MPP2: variants seen among roughly 807,000 people sequenced by gnomAD.
The protein encoded by MPP2 is MAGUK p55 scaffold protein 2, also known as MAGUK p55 subfamily member 2.
A neutral mutation model predicts 58.5 loss-of-function variants in MPP2; 42 were observed. The observed-to-expected ratio is 0.72, with a 90% confidence interval of 0.56 to 0.93. MPP2 has a LOEUF of 0.93. Ranked by LOEUF, MPP2 falls within the 40% of genes least tolerant of loss-of-function variation. The pLI is 0.00. For missense variants in MPP2, 632 were observed against 760.4 expected, an observed-to-expected ratio of 0.83 and a Z score of 1.99; for synonymous variants, 300 against 307.8, an observed-to-expected ratio of 0.97 and a Z score of 0.26.
rs1192823279 is a variant in MPP2, at chr17:43,876,571, C to T, written c.*1236G>A. 6.6e-6 allele frequency: 1 copy of T among 152,280 alleles called. No homozygotes were observed. Among genetic ancestry groups the T allele is most frequent in the Admixed American group, 6.5e-5 (1 of 15,278 alleles). The allele number at this position is 152,280 out of a possible 1,614,324, so 9.4% of individuals were successfully genotyped here. On this transcript the variant is annotated 3_prime_UTR_variant, in exon 13 of 13. Transcript: ENST00000269095. The stretch of plus-strand genomic sequence containing the variant: ...AAGAAATGAGGGCTGATGGGGAACC[C>T]CCAGAAAGGGGCCCCAAAGAGTGAC...
intron 2 of MPP2, among the ~76,000 whole-genome samples, chr17:43,898,868 G>A (rs1239656626): frequency 6.6e-6 from 1 of 152,228 alleles, no homozygotes; most frequent in Admixed American, 6.5e-5. Context: ...AGGAGGCTGA[G>A]GCAGGAGAAC....
rs2046814854 is a variant in MPP2 at position 43,876,041 on chromosome 17, G to A, written c.*1766C>T. ...TAAGGGAAAAGAGGAGCAGGAGAATGAGTGTGTAGTATACGCAGAGCCACA... is the reference window on the plus strand; with the variant it reads ...TAAGGGAAAAGAGGAGCAGGAGAATAAGTGTGTAGTATACGCAGAGCCACA... On this transcript the variant is annotated 3_prime_UTR_variant, in exon 13 of 13. Transcript: ENST00000269095. The A allele has an allele frequency of 6.6e-6, 1 of 152,560 alleles. No individual in the cohort carries two copies. The highest frequency in any genetic ancestry group is 1.5e-5 in the Non-Finnish European group (1 of 68,136). The allele number at this position is 152,560 out of a possible 1,614,324, so 9.5% of individuals were successfully genotyped here.
intron 3 of MPP2, among the ~76,000 whole-genome samples, chr17:43,883,832 T>C (rs1353654963): frequency 2.6e-5 from 4 of 152,124 alleles, no homozygotes. Flanking sequence ...TCCCAGCGAA[T>C]GAGGGGACAG....
At chr17:43,881,392 C>A (rs765375486) in intron 7 of MPP2, 43 bp from the exon 8 acceptor site, 3 of 1,613,944 alleles carry the variant, frequency 1.9e-6, no homozygotes, top group Non-Finnish European at 2.5e-6. Flanking sequence ...GCAAGAGGAC[C>A]CCTCCCTGTG....
chr17:43,879,204 G>A lies in MPP2; in HGVS notation c.1482+71C>T. ...TCCCCAACACCACCTCCTTCTCTCT[G>A]TCAGCTCAGGCCTGTCCCCCACCAC... On this transcript the variant is annotated intron_variant, in intron 12 of 12. Coordinates refer to ENST00000269095, the MANE Select transcript of MPP2 (RefSeq NM_005374.5). The surrounding 1 kb of genome is among the most constrained non-coding windows in gnomAD (Gnocchi z 4.1). 1 of 1,531,502 alleles carries A rather than the reference G, an allele frequency of 6.5e-7. No individual in the cohort carries two copies. Among genetic ancestry groups the A allele is most frequent in the Non-Finnish European group, 8.8e-7 (1 of 1,130,530 alleles). 94.9% of individuals were successfully genotyped at this position (1,531,502 alleles called of 1,614,324 possible).
intron 2 of MPP2, among the ~76,000 whole-genome samples, chr17:43,898,696 G>A (rs149623193): frequency 6.6e-6 from 1 of 152,356 alleles, no homozygotes; most frequent in Non-Finnish European, 1.5e-5. Flanking sequence ...CAGGTGTCAG[G>A]TTGCAGATCC....
chr17:43,892,454 G>A (rs1017621620), intron 3 of MPP2, among the ~76,000 whole-genome samples: 1 of 152,180 alleles, frequency 6.6e-6, no homozygotes, highest in African/African-American at 2.4e-5. Flanking sequence ...CCAATGCAGG[G>A]AGCTCTGAGA....
At chr17:43,878,396 C>A (rs1046624179) in intron 12 of MPP2, among the ~76,000 whole-genome samples, 4 of 152,218 alleles carry the variant, frequency 2.6e-5, no homozygotes, top group African/African-American at 9.6e-5. Flanking sequence ...CTTACCTATG[C>A]AGCTAGACAG....
At position 43,875,433 on chromosome 17, in the gene MPP2, A is replaced by G. The variant is rs2046777418; in HGVS notation, c.*2374T>C. 1 of 152,442 alleles carries G rather than the reference A, an allele frequency of 6.6e-6. No homozygotes were observed. The highest frequency in any genetic ancestry group is 1.5e-5 in the Non-Finnish European group (1 of 68,164). The allele number at this position is 152,442 out of a possible 1,614,324, so 9.4% of individuals were successfully genotyped here. On this transcript the variant is annotated 3_prime_UTR_variant, in exon 13 of 13. Transcript: ENST00000269095. ...AGAAAACTCAAGAATTGGATGGCTG[A>G]GGGAGGGAACAGAGGAAGCGCACTG...
At chr17:43,884,752 T>C (rs900101200) in intron 3 of MPP2, among the ~76,000 whole-genome samples, 1 of 152,092 alleles carries the variant, frequency 6.6e-6, no homozygotes, top group Non-Finnish European at 1.5e-5. Context: ...AATGAGTTAT[T>C]ATACTGGAGG....
chr17:43,904,415 T>C lies in MPP2; in HGVS notation c.31+15A>G. On this transcript the variant is annotated intron_variant, in intron 2 of 12. Coordinates refer to ENST00000269095, the MANE Select transcript of MPP2 (RefSeq NM_005374.5). The stretch of plus-strand genomic sequence containing the variant: ...GAACCACTGAAATAAGCTAACATCC[T>C]CACCCCCTTCTTACCAGTTTCAGAG... The C allele has an allele frequency of 6.2e-7, 1 of 1,613,636 alleles. No individual in the cohort carries two copies. Among genetic ancestry groups the C allele is most frequent in the South Asian group, 1.1e-5 (1 of 91,022 alleles).
In MPP2 at chr17:43,875,439, G is replaced by A. The variant is rs2537; in HGVS notation, c.*2368C>T. 0.039 allele frequency: 5,971 copies of A among 152,470 alleles called. 189 individuals are homozygous for A. The highest frequency in any genetic ancestry group is 0.057 in the Non-Finnish European group (3,873 of 68,128). The allele number at this position is 152,470 out of a possible 1,614,324, so 9.4% of individuals were successfully genotyped here. On this transcript the variant is annotated 3_prime_UTR_variant, in exon 13 of 13. Coordinates refer to ENST00000269095, the MANE Select transcript of MPP2 (RefSeq NM_005374.5). The stretch of plus-strand genomic sequence containing the variant: ...CTCAAGAATTGGATGGCTGAGGGAG[G>A]GAACAGAGGAAGCGCACTGGGGCTG...
At chr17:43,909,505 C>T, upstream of MPP2, 2 of 1,262,914 alleles carry the variant, frequency 1.6e-6, no homozygotes, top group Non-Finnish European at 2.1e-6. Flanking sequence ...TGAATCTCTA[C>T]AAGATATTAA....
chr17:43,904,350 G>T, intron 2 of MPP2, 80 bp downstream of exon 2: 1 of 1,383,356 alleles, frequency 7.2e-7, no homozygotes, highest in Non-Finnish European at 1.0e-6. Flanking sequence ...ATCTGGAGCT[G>T]TGCAAGTGCC....
chr17:43,883,776 G>A (rs1273850429), intron 3 of MPP2, among the ~76,000 whole-genome samples: 2 of 152,048 alleles, frequency 1.3e-5, no homozygotes, highest in East Asian at 1.9e-4. Context: ...ACTTTCCCAG[G>A]GTCAATGGGA....
intron 1 of MPP2, among the ~76,000 whole-genome samples, chr17:43,906,575 G>A (rs887298897): frequency 3.9e-5 from 6 of 152,192 alleles, no homozygotes; most frequent in African/African-American, 1.4e-4. Context: ...GGAGAAGAAA[G>A]GTCTGACAAA....
chr17:43,893,659 C>T (rs1427286937), intron 3 of MPP2, among the ~76,000 whole-genome samples: 3 of 152,170 alleles, frequency 2.0e-5, no homozygotes, highest in East Asian at 1.9e-4. Context: ...CCAACCCTAC[C>T]GTGAACTGCA....
At chr17:43,894,125 A>T (rs971994286) in intron 3 of MPP2, among the ~76,000 whole-genome samples, 2 of 151,178 alleles carry the variant, frequency 1.3e-5, no homozygotes, top group African/African-American at 4.9e-5. Flanking sequence ...AAAAAAAAAA[A>T]AATACAAAAA....
At chr17:43,894,110 T>TA (rs772282324) in intron 3 of MPP2, among the ~76,000 whole-genome samples, 12,629 of 126,118 alleles carry the variant, frequency 0.1, 882 homozygotes, top group African/African-American at 0.2. Context: ...CTGTCTCTAC[T>TA]AAAAAAAAAA....
Sources: allele counts gnomAD v4.1 joint callset (sites outside exome capture counted in the v4.1 genomes callset), GRCh38; gene constraint gnomAD v4.1.1; non-coding constraint Gnocchi (gnomAD v3.1); transcripts MANE v1.5; gene names NCBI Gene and HGNC (gene_info 2026-07-23, HGNC 2026-07-21).